Variants in DOK6 observed in about 807,000 individuals in gnomAD.
The protein encoded by DOK6 is downstream of tyrosine kinase 6.
Under a neutral mutation model 44.0 loss-of-function variants are expected in DOK6, and 22 were observed. The observed-to-expected ratio is 0.50, with a 90% CI of 0.36 to 0.71. The LOEUF is 0.71. Among genes scored for constraint, DOK6 ranks in the 30% least tolerant of loss-of-function variants. DOK6 has a pLI of 0.00. For missense variants in DOK6, 340 were observed against 416.4 expected (o/e 0.82, Z 1.60); for synonymous variants, 166 against 145.5 (o/e 1.14, Z -1.01).
intron 7 of DOK6, among the ~76,000 whole-genome samples, chr18:69,760,509 G>A (rs951355207): frequency 6.6e-6 from 1 of 152,126 alleles, no homozygotes; most frequent in Admixed American, 6.6e-5. Context: ...GGCGCCTTGA[G>A]AAACCAAGAG....
At chr18:69,719,097 T>C (rs1290379412) in intron 5 of DOK6, among the ~76,000 whole-genome samples, 2 of 152,108 alleles carry the variant, frequency 1.3e-5, no homozygotes, top group Non-Finnish European at 2.9e-5. Context: ...ACTGAGACAG[T>C]GGTGTTGCAA....
chr18:69,841,471 T>G lies in DOK6; in HGVS notation c.*88T>G. The G allele has an allele frequency of 6.4e-7, 1 of 1,552,728 alleles. No homozygotes were observed. Among genetic ancestry groups the G allele is most frequent in the Admixed American group, 1.8e-5 (1 of 54,348 alleles). The stretch of plus-strand genomic sequence containing the variant: ...ACCCTCTGCCTCCTGGAAGACCAAT[T>G]GCAGTACAAATTGAAATGGGTCGGC... On this transcript the variant is annotated 3_prime_UTR_variant, in exon 8 of 8. Transcript: ENST00000382713.
Position 69,841,548 on chromosome 18 carries a change from T to G in DOK6, c.*165T>G. 1.2e-6 allele frequency: 1 copy of G among 852,576 alleles called. No homozygotes were observed. The highest frequency in any genetic ancestry group is 1.7e-6 in the Non-Finnish European group (1 of 586,860). 52.8% of individuals were successfully genotyped at this position (852,576 alleles called of 1,614,324 possible). A position where few individuals can be genotyped will look rare whatever the true frequency, so the allele number is the denominator to read the frequency against. ...AAAAACTGGAGTTCTGCTTCCTTGA[T>G]TCAGTGGCTAAGTCCTTTATTTATT... On this transcript the variant is annotated 3_prime_UTR_variant, in exon 8 of 8. Transcript: ENST00000382713.
chr18:69,844,122 T>C lies in DOK6; in HGVS notation c.*2739T>C, dbSNP rs765926170. On this transcript the variant is annotated 3_prime_UTR_variant, in exon 8 of 8. Coordinates refer to ENST00000382713, the MANE Select transcript of DOK6 (RefSeq NM_152721.6). ...GATGTATACCACTCGCTTGGGCTCGTAGGTTTTTGACTGGGGATGCCTCTA... is the reference window on the plus strand; with the variant it reads ...GATGTATACCACTCGCTTGGGCTCGCAGGTTTTTGACTGGGGATGCCTCTA... 14 of 152,176 alleles carry C rather than the reference T, an allele frequency of 9.2e-5. No homozygotes were observed. Among genetic ancestry groups the C allele is most frequent in the Non-Finnish European group, 2.1e-4 (14 of 68,030 alleles). 9.4% of individuals were successfully genotyped at this position (152,176 alleles called of 1,614,324 possible). A position where few individuals can be genotyped will look rare whatever the true frequency, so the allele number is the denominator to read the frequency against.
At chr18:69,759,515 TG>T (rs975785940) in intron 7 of DOK6, among the ~76,000 whole-genome samples, 6 of 152,182 alleles carry the variant, frequency 3.9e-5, no homozygotes, top group Admixed American at 1.3e-4. Context: ...CTCTAGTTTT[TG>T]TCAAGGGTTT....
intron 1 of DOK6, among the ~76,000 whole-genome samples, chr18:69,432,348 G>T (rs1978829753): frequency 6.6e-6 from 1 of 152,192 alleles, no homozygotes; most frequent in South Asian, 2.1e-4. Context: ...GGATGCTGAG[G>T]TGGGAGGATT....
chr18:69,766,575 G>A (rs1447708734), intron 7 of DOK6, among the ~76,000 whole-genome samples: 1 of 152,098 alleles, frequency 6.6e-6, no homozygotes, highest in Non-Finnish European at 1.5e-5. Flanking sequence ...AAGTAAGCTA[G>A]AGAAAAGAAA....
chr18:69,750,058 T>A (rs1027524574), intron 6 of DOK6, among the ~76,000 whole-genome samples: 18 of 147,232 alleles, frequency 1.2e-4, no homozygotes, highest in African/African-American at 3.7e-4. Flanking sequence ...TATATATATA[T>A]TATATATATA....
chr18:69,512,462 G>A (rs1472899710), intron 1 of DOK6, among the ~76,000 whole-genome samples: 3 of 149,130 alleles, frequency 2.0e-5, no homozygotes, highest in Non-Finnish European at 4.4e-5. Flanking sequence ...TCCTACCTCA[G>A]CCTCCTGAAT....
intron 1 of DOK6, among the ~76,000 whole-genome samples, chr18:69,473,097 T>A (rs1383907159): frequency 6.6e-6 from 1 of 152,254 alleles, no homozygotes; most frequent in East Asian, 1.9e-4. Flanking sequence ...GGGAAAAAAA[T>A]TAATATTTTT....
chr18:69,509,344 A>G (rs934805691), intron 1 of DOK6, among the ~76,000 whole-genome samples: 4 of 152,218 alleles, frequency 2.6e-5, no homozygotes, highest in Non-Finnish European at 5.9e-5. Flanking sequence ...ATTAATTTTA[A>G]AGCCAGGATA....
At chr18:69,805,115 G>C (rs771363833) in intron 7 of DOK6, among the ~76,000 whole-genome samples, 1 of 152,148 alleles carries the variant, frequency 6.6e-6, no homozygotes, top group Admixed American at 6.6e-5. Context: ...CACTCACTTA[G>C]TGATTAGTAT....
intron 1 of DOK6, among the ~76,000 whole-genome samples, chr18:69,441,306 C>G (rs1979131116): frequency 6.6e-6 from 1 of 151,968 alleles, no homozygotes; most frequent in Non-Finnish European, 1.5e-5. Context: ...TTGTTTGTTT[C>G]TTTTCTGTCC....
chr18:69,847,957 C>A lies in DOK6; in HGVS notation c.*6574C>A, dbSNP rs1339712320. The A allele has an allele frequency of 1.3e-5, 2 of 151,802 alleles. No homozygotes were observed. The highest frequency in any genetic ancestry group is 4.9e-5 in the African/African-American group (2 of 41,232). 9.4% of individuals were successfully genotyped at this position (151,802 alleles called of 1,614,324 possible). A position where few individuals can be genotyped will look rare whatever the true frequency, so the allele number is the denominator to read the frequency against. On this transcript the variant is annotated 3_prime_UTR_variant, in exon 8 of 8. Transcript: ENST00000382713. ...ATAAAAGCCAGTTCCATCTTTACTG[C>A]AGATGACAGGAGACTTTCCAAGACC...
intron 7 of DOK6, among the ~76,000 whole-genome samples, chr18:69,774,774 G>A (rs1247591087): frequency 6.6e-6 from 1 of 151,864 alleles, no homozygotes; most frequent in African/African-American, 2.4e-5. Flanking sequence ...TAAAGGAGAT[G>A]ATACAGCAAA....
intron 1 of DOK6, among the ~76,000 whole-genome samples, chr18:69,549,924 T>A (rs979759328): frequency 6.6e-6 from 1 of 150,818 alleles, no homozygotes; most frequent in East Asian, 1.9e-4. Context: ...TAGCTACTAT[T>A]TCTTAGATAA....
At chr18:69,795,690 G>T (rs1568128528) in intron 7 of DOK6, among the ~76,000 whole-genome samples, 1 of 152,152 alleles carries the variant, frequency 6.6e-6, no homozygotes, top group Admixed American at 6.6e-5. Flanking sequence ...GTTCGTTCAT[G>T]ATACACACTG....
At chr18:69,723,716 A>G (rs574491398) in intron 5 of DOK6, among the ~76,000 whole-genome samples, 1 of 152,230 alleles carries the variant, frequency 6.6e-6, no homozygotes, top group Admixed American at 6.5e-5. Flanking sequence ...TTTATTTCAC[A>G]GTGCCTGACG....
At chr18:69,466,483 A>G (rs139008121) in intron 1 of DOK6, among the ~76,000 whole-genome samples, 2 of 152,332 alleles carry the variant, frequency 1.3e-5, no homozygotes, top group African/African-American at 2.4e-5. Context: ...ATGAGAGTGC[A>G]GAGTTATCCC....
Sources: allele counts gnomAD v4.1 joint callset (sites outside exome capture counted in the v4.1 genomes callset), GRCh38; gene constraint gnomAD v4.1.1; transcripts MANE v1.5; gene names NCBI Gene and HGNC (gene_info 2026-07-23, HGNC 2026-07-21).